Variants in GTF2I observed in about 807,000 individuals in gnomAD.
The protein encoded by GTF2I is general transcription factor IIi.
A neutral mutation model predicts 67.6 loss-of-function variants in GTF2I; 12 were observed. That is an observed-to-expected ratio of 0.18 (90% CI 0.11 to 0.29). The LOEUF is 0.29. GTF2I is among the 10% of genes least tolerant of loss of function. GTF2I has a pLI of 1.00. For synonymous variants in GTF2I, 149 were observed against 197.0 expected, an observed-to-expected ratio of 0.76 and a Z score of 2.04; for missense variants, 271 against 580.1, an observed-to-expected ratio of 0.47 and a Z score of 5.47.
chr7:74,669,821 G>A (rs1328629849), intron 1 of GTF2I, among the ~76,000 whole-genome samples: 89 of 152,120 alleles, frequency 5.9e-4, no homozygotes, highest in Non-Finnish European at 1.3e-4. Context: ...GTGAGCCACC[G>A]TGTCCGGCCA....
intron 3 of GTF2I, among the ~76,000 whole-genome samples, chr7:74,694,760 A>C (rs1554397982): frequency 1.3e-5 from 2 of 152,210 alleles, no homozygotes; most frequent in Admixed American, 1.3e-4. Flanking sequence ...TTATATTGGA[A>C]GATACTCTCT....
chr7:74,721,012 CTCTTT>C (rs1300456239), intron 12 of GTF2I, among the ~76,000 whole-genome samples: 4 of 151,840 alleles, frequency 2.6e-5, no homozygotes, highest in African/African-American at 9.7e-5. Flanking sequence ...AGTAATAAAT[CTCTTT>C]TCTTTTCATT....
At chr7:74,700,222 T>C in intron 4 of GTF2I, 25 bp from the exon 5 acceptor site, 4 of 1,609,130 alleles carry the variant, frequency 2.5e-6, no homozygotes, top group Non-Finnish European at 3.4e-6. Flanking sequence ...TTGAATGATG[T>C]TCATCCGCTT....
intron 8 of GTF2I, among the ~76,000 whole-genome samples, chr7:74,709,809 A>G (rs1350147936): frequency 2.0e-5 from 3 of 151,302 alleles, no homozygotes; most frequent in Non-Finnish European, 4.4e-5. Context: ...GGTAGCTGGG[A>G]CTACAGGTGC....
At chr7:74,692,591 C>A (rs1261183877) in intron 3 of GTF2I, among the ~76,000 whole-genome samples, 1 of 152,128 alleles carries the variant, frequency 6.6e-6, no homozygotes, top group East Asian at 1.9e-4. Context: ...GGTTTTAATA[C>A]CCACAGCCTT....
At chr7:74,662,511 CT>C (rs1161320476) in intron 1 of GTF2I, among the ~76,000 whole-genome samples, 972 of 49,946 alleles carry the variant, frequency 0.019, no homozygotes, top group Non-Finnish European at 0.023. Context: ...CACCTGGACC[CT>C]TTTTTTTTTT....
chr7:74,720,191 T>C (rs1792766102), intron 12 of GTF2I, among the ~76,000 whole-genome samples: 1 of 152,234 alleles, frequency 6.6e-6, no homozygotes, highest in Non-Finnish European at 1.5e-5. Context: ...TTTTAAAATA[T>C]TACATATTCC....
chr7:74,661,608 AG>A (rs1321695604), intron 1 of GTF2I, among the ~76,000 whole-genome samples: 2 of 152,122 alleles, frequency 1.3e-5, no homozygotes, highest in African/African-American at 4.8e-5. Flanking sequence ...TGAACCCAGG[AG>A]GTGGAGGTTG....
chr7:74,683,484 G>A (rs1297431457), intron 1 of GTF2I, among the ~76,000 whole-genome samples: 1 of 152,194 alleles, frequency 6.6e-6, no homozygotes, highest in Non-Finnish European at 1.5e-5. Context: ...ACAAAAGAAT[G>A]AGCAAATTAT....
intron 1 of GTF2I, among the ~76,000 whole-genome samples, chr7:74,658,964 T>G (rs967545393): frequency 2.0e-4 from 31 of 152,284 alleles, no homozygotes; most frequent in African/African-American, 6.7e-4. Context: ...GTAGCGAATT[T>G]TGTCCTCCCT....
intron 11 of GTF2I, among the ~76,000 whole-genome samples, chr7:74,718,434 G>T (rs1316497212): frequency 6.6e-6 from 1 of 152,208 alleles, no homozygotes; most frequent in Non-Finnish European, 1.5e-5. Context: ...TCAGTCTCTT[G>T]ATAGGAAAGT....
chr7:74,690,955 T>C lies in GTF2I; in HGVS notation c.100-18T>C, dbSNP rs782569206. On this transcript the variant is annotated intron_variant, in intron 2 of 34. Transcript: ENST00000573035. ...TAAACGTCCGCCTGTAACATGATGTTTGCTGTTTGTATTGTAGTGTAAAGA... is the reference window on the plus strand; with the variant it reads ...TAAACGTCCGCCTGTAACATGATGTCTGCTGTTTGTATTGTAGTGTAAAGA... 1.2e-6 allele frequency: 2 copies of C among 1,603,818 alleles called. No individual in the cohort carries two copies. Among genetic ancestry groups the C allele is most frequent in the South Asian group, 2.3e-5 (2 of 87,858 alleles).
At chr7:74,679,362 C>T (rs1291756752) in intron 1 of GTF2I, among the ~76,000 whole-genome samples, 2 of 152,144 alleles carry the variant, frequency 1.3e-5, no homozygotes, top group African/African-American at 4.8e-5. Flanking sequence ...AGGCGTGAGC[C>T]GCTGCCATAT....
intron 15 of GTF2I, 41 bp downstream of exon 15, chr7:74,732,703 T>G (rs2131525429): frequency 1.3e-6 from 2 of 1,533,130 alleles, no homozygotes; most frequent in Admixed American, 4.6e-5. Context: ...GTCTCTTTTC[T>G]GAGTAATACG....
chr7:74,691,183 T>C (rs1171190292), intron 3 of GTF2I, 72 bp downstream of exon 3: 3 of 1,093,838 alleles, frequency 2.7e-6, no homozygotes, highest in Admixed American at 5.2e-5. Flanking sequence ...AGACAAGTTA[T>C]ATTATTTTCT....
At chr7:74,724,990 C>T (rs1228970734) in intron 12 of GTF2I, among the ~76,000 whole-genome samples, 1 of 152,068 alleles carries the variant, frequency 6.6e-6, no homozygotes, top group Non-Finnish European at 1.5e-5. Flanking sequence ...ATTATGGAAA[C>T]AGAGTTTGGG....
In GTF2I at chr7:74,689,348, CTTTTTTTTTT is replaced by C. The variant is rs1162860651; in HGVS notation, c.99+136_99+145del. ...AGTTTTAATGAGTACTTTTTCTTTA[CTTTTTTTTTT>C]TTTTTTTTTTTTTTGAGACGGAGTC... On this transcript the variant is annotated intron_variant, in intron 2 of 34. Coordinates refer to ENST00000573035, the MANE Select transcript of GTF2I (RefSeq NM_032999.4). The C allele has an allele frequency of 5.8e-3, 849 of 145,290 alleles. 9 individuals carry two copies. The highest frequency in any genetic ancestry group is 0.031 in the African/African-American group (705 of 22,844). The allele number at this position is 145,290 out of a possible 1,614,324, so 9.0% of individuals were successfully genotyped here. A position where few individuals can be genotyped will look rare whatever the true frequency, so the allele number is the denominator to read the frequency against.
chr7:74,718,515 G>A (rs587656152), intron 11 of GTF2I, among the ~76,000 whole-genome samples: 2 of 152,328 alleles, frequency 1.3e-5, no homozygotes, highest in South Asian at 4.1e-4. Context: ...TGAAAGGAGA[G>A]AAGAAATTCT....
intron 1 of GTF2I, among the ~76,000 whole-genome samples, chr7:74,675,564 G>A (rs1252327327): frequency 1.3e-5 from 2 of 151,696 alleles, no homozygotes; most frequent in African/African-American, 2.4e-5. Flanking sequence ...TTTTGGGGGG[G>A]GCAGAAGGTC....
Sources: allele counts gnomAD v4.1 joint callset (sites outside exome capture counted in the v4.1 genomes callset), GRCh38; gene constraint gnomAD v4.1.1; transcripts MANE v1.5; gene names NCBI Gene and HGNC (gene_info 2026-07-23, HGNC 2026-07-21).